The following RNF220 variants were observed in gnomAD, a reference collection of about 807,000 sequenced individuals.
The protein encoded by RNF220 is ring finger protein 220.
Under a neutral mutation model 67.1 loss-of-function variants are expected in RNF220, and 7 were observed. That is an observed-to-expected ratio of 0.10 (90% CI 0.06 to 0.20). The LOEUF is 0.20. Among genes scored for constraint, RNF220 ranks in the 10% least tolerant of loss-of-function variants. The pLI, the probability that RNF220 is intolerant of heterozygous loss-of-function variation, is 1.00. For missense variants in RNF220, 565 were observed against 740.3 expected, an observed-to-expected ratio of 0.76 and a Z score of 2.75; for synonymous variants, 270 against 283.2, an observed-to-expected ratio of 0.95 and a Z score of 0.47.
intron 2 of RNF220, among the ~76,000 whole-genome samples, chr1:44,545,914 G>A (rs1006402942): frequency 6.6e-5 from 10 of 152,100 alleles, no homozygotes; most frequent in African/African-American, 2.2e-4. Context: ...GCGCCACCAC[G>A]CCCGGCTAAT....
chr1:44,438,990 T>C (rs1651277098), intron 2 of RNF220, among the ~76,000 whole-genome samples: 1 of 152,238 alleles, frequency 6.6e-6, no homozygotes, highest in Non-Finnish European at 1.5e-5. Context: ...TGCATTACAT[T>C]TTATTTAACC....
intron 2 of RNF220, among the ~76,000 whole-genome samples, chr1:44,562,623 A>G (rs980675909): frequency 1.3e-5 from 2 of 152,184 alleles, no homozygotes; most frequent in Non-Finnish European, 2.9e-5. Context: ...CAGGTCCCAG[A>G]CAGCTCCAGG....
intron 3 of RNF220, among the ~76,000 whole-genome samples, chr1:44,619,604 T>C (rs1643708229): frequency 6.6e-6 from 1 of 152,198 alleles, no homozygotes; most frequent in African/African-American, 2.4e-5. Flanking sequence ...ATATTGTACT[T>C]AGGAATGCGT....
chr1:44,437,016 A>G (rs547302851), intron 2 of RNF220, among the ~76,000 whole-genome samples: 2 of 152,244 alleles, frequency 1.3e-5, no homozygotes, highest in Non-Finnish European at 2.9e-5. Context: ...CTTAGAAAAG[A>G]TAGGTCATTC....
At chr1:44,611,879 A>G (rs1246242049) in intron 2 of RNF220, among the ~76,000 whole-genome samples, 1 of 151,794 alleles carries the variant, frequency 6.6e-6, no homozygotes, top group Non-Finnish European at 1.5e-5. Context: ...AAAGCCGAGT[A>G]CAGAGGTCTG....
chr1:44,503,656 C>T (rs141298448), intron 2 of RNF220, among the ~76,000 whole-genome samples: 337 of 152,286 alleles, frequency 2.2e-3, no homozygotes, highest in African/African-American at 5.3e-3. Context: ...CCATTCTGTT[C>T]CCCTTTCAAG....
intron 6 of RNF220, chr1:44,635,248 C>A: frequency 2.8e-6 from 1 of 361,300 alleles, no homozygotes; most frequent in Non-Finnish European, 5.0e-6. Context: ...TGTCTTTGCT[C>A]ACTGGATTTT....
chr1:44,424,803 G>C (rs1293414998), intron 2 of RNF220, among the ~76,000 whole-genome samples: 1 of 152,228 alleles, frequency 6.6e-6, no homozygotes, highest in East Asian at 1.9e-4. Flanking sequence ...ATTATGATGA[G>C]GTGGCCCAGC....
chr1:44,645,458 A>C lies in RNF220; in HGVS notation c.1415A>C (p.Gln472Pro). Residue 472 changes from glutamine to proline, a missense_variant, in exon 12 of 15, where the codon CAG becomes CCG. By Grantham distance (76) the Gln-to-Pro change is moderately conservative. Coordinates refer to ENST00000361799, the MANE Select transcript of RNF220 (RefSeq NM_018150.4). This position sits in a 1 kb window ranked among gnomAD's most constrained non-coding sequence, Gnocchi z 5.0. ...NGESSKQEAMQKTCKNSDIEK... is the reference protein window; with the variant it reads ...NGESSKQEAMPKTCKNSDIEK... Reference sequence around the variant, plus strand: ...GAAAGCAGCAAGCAGGAGGCCATGCAGAAGACCTGCAAGAACAGCGACATC... The same window carrying C: ...GAAAGCAGCAAGCAGGAGGCCATGCCGAAGACCTGCAAGAACAGCGACATC... 6.2e-7 allele frequency: 1 copy of C among 1,614,124 alleles called. No individual in the cohort carries two copies. The highest frequency in any genetic ancestry group is 2.2e-5 in the East Asian group (1 of 44,868).
chr1:44,613,561 C>T (rs1463372348), intron 2 of RNF220, among the ~76,000 whole-genome samples: 1 of 152,106 alleles, frequency 6.6e-6, no homozygotes, highest in East Asian at 1.9e-4. Flanking sequence ...CGAAACCAGC[C>T]TGGTCAAAAT....
At chr1:44,625,818 A>C (rs1170765622) in intron 4 of RNF220, among the ~76,000 whole-genome samples, 1 of 151,846 alleles carries the variant, frequency 6.6e-6, no homozygotes, top group Non-Finnish European at 1.5e-5. Flanking sequence ...TAGCACCGGG[A>C]TAAATGGACC....
intron 2 of RNF220, among the ~76,000 whole-genome samples, chr1:44,539,911 A>G (rs1661542905): frequency 6.6e-6 from 1 of 152,182 alleles, no homozygotes; most frequent in African/African-American, 2.4e-5. Flanking sequence ...TCTTTTGCCT[A>G]TTAGGATAAA....
At chr1:44,431,607 C>G (rs1650388408) in intron 2 of RNF220, among the ~76,000 whole-genome samples, 1 of 151,960 alleles carries the variant, frequency 6.6e-6, no homozygotes, top group Non-Finnish European at 1.5e-5. Flanking sequence ...TCCATTTAAC[C>G]AGCTCTGTTT....
At chr1:44,475,497 G>A (rs1572619119) in intron 2 of RNF220, among the ~76,000 whole-genome samples, 1 of 149,526 alleles carries the variant, frequency 6.7e-6, no homozygotes, top group African/African-American at 2.5e-5. Flanking sequence ...TTGAACCTGG[G>A]AGGCAGAGGT....
At chr1:44,452,040 T>C (rs1652741785) in intron 2 of RNF220, among the ~76,000 whole-genome samples, 1 of 152,236 alleles carries the variant, frequency 6.6e-6, no homozygotes, top group Non-Finnish European at 1.5e-5. Context: ...AATTTGATAG[T>C]ATGTAGTGTG....
At chr1:44,453,944 T>C (rs535052243) in intron 2 of RNF220, among the ~76,000 whole-genome samples, 1 of 152,278 alleles carries the variant, frequency 6.6e-6, no homozygotes, top group African/African-American at 2.4e-5. Context: ...AAGCATGCAT[T>C]TTGTTATTAA....
In RNF220 at chr1:44,624,525, C is replaced by T. The variant is rs1031428580; in HGVS notation, c.804+1738C>T. On this transcript the variant is annotated intron_variant, in intron 4 of 14. Coordinates refer to ENST00000361799, the MANE Select transcript of RNF220 (RefSeq NM_018150.4). This position sits in a 1 kb window ranked among gnomAD's most constrained non-coding sequence, Gnocchi z 4.2. ...GAGACACAGAGATAAGGGACACTTG[C>T]TCACCCACTTCCAGATATATGCCCA... Among the ~76,000 whole-genome samples, 12 of 152,186 alleles carry T rather than the reference C, an allele frequency of 7.9e-5. No individual in the cohort carries two copies. Among genetic ancestry groups the T allele is most frequent in the African/African-American group, 1.2e-4 (5 of 41,438 alleles).
At chr1:44,488,013 A>T (rs1431985354) in intron 2 of RNF220, among the ~76,000 whole-genome samples, 3 of 149,150 alleles carry the variant, frequency 2.0e-5, no homozygotes, top group Non-Finnish European at 3.0e-5. Context: ...CCTTTCACCC[A>T]GGCTGGAGTG....
intron 2 of RNF220, among the ~76,000 whole-genome samples, chr1:44,571,154 A>G (rs1664415752): frequency 6.6e-6 from 1 of 151,956 alleles, no homozygotes; most frequent in African/African-American, 2.4e-5. Flanking sequence ...CACAGAATAA[A>G]ATCCAGTGTC....
Sources: gnomAD v4.1 joint callset for allele counts (sites outside exome capture counted in the v4.1 genomes callset) on GRCh38, gnomAD v4.1.1 for gene constraint, Gnocchi (gnomAD v3.1) non-coding constraint, MANE v1.5 for transcripts, NCBI Gene and HGNC (gene_info 2026-07-23, HGNC 2026-07-21) for gene names.